The following NHS variants were observed in gnomAD, a reference collection of about 807,000 sequenced individuals.
NHS encodes actin remodeling regulator NHS.
In NHS, 5 loss-of-function variants were observed where a neutral mutation model predicts 72.5. The ratio of observed to expected loss-of-function variants is 0.07; its 90% CI spans 0.04 to 0.14. The LOEUF (loss-of-function observed/expected upper bound fraction) is 0.14, where lower values mean the gene tolerates loss of function less well. NHS is among the 10% of genes least tolerant of loss of function. The pLI is 1.00. For synonymous variants in NHS, 464 were observed against 547.7 expected, an observed-to-expected ratio of 0.85 and a Z score of 2.13; for missense variants, 1,072 against 1,355.7, an observed-to-expected ratio of 0.79 and a Z score of 3.29.
chrX:17,596,649 G>A (rs143848372), intron 1 of NHS, among the ~76,000 whole-genome samples: 1,405 of 111,804 alleles, frequency 0.013, 15 homozygotes, highest in Non-Finnish European at 0.022. Context: ...TGGGAGAGAG[G>A]AATGTGGTAT....
At chrX:17,642,028 C>T (rs1210862503) in intron 1 of NHS, among the ~76,000 whole-genome samples, 2 of 111,512 alleles carry the variant, frequency 1.8e-5, no homozygotes, top group African/African-American at 6.5e-5. Context: ...TCACTGCAAC[C>T]TCCGCCTCCT....
intron 1 of NHS, chrX:17,635,730 G>A (rs2065843203): frequency 4.3e-6 from 3 of 702,897 alleles, no homozygotes; most frequent in Non-Finnish European, 6.3e-6. Flanking sequence ...CAATGAAAGT[G>A]AGCCCTTTCA....
chrX:17,698,165 C>T (rs1340121381), intron 3 of NHS, among the ~76,000 whole-genome samples: 3 of 111,327 alleles, frequency 2.7e-5, no homozygotes, highest in African/African-American at 9.8e-5. Flanking sequence ...ACATTAAACA[C>T]ACACAAGATT....
intron 3 of NHS, among the ~76,000 whole-genome samples, chrX:17,705,012 G>A (rs1208108035): frequency 8.9e-6 from 1 of 112,172 alleles, no homozygotes; most frequent in Non-Finnish European, 1.9e-5. Flanking sequence ...GCTTGGCCTG[G>A]TTCCCCCTCT....
intron 1 of NHS, among the ~76,000 whole-genome samples, chrX:17,428,821 CAT>C (rs1336895386): frequency 1.8e-5 from 2 of 111,197 alleles, no homozygotes; most frequent in African/African-American, 6.6e-5. Context: ...CTTGAATGCA[CAT>C]GTCTCTCTCT....
chrX:17,555,231 T>A (rs936854083), intron 1 of NHS, among the ~76,000 whole-genome samples: 16 of 108,510 alleles, frequency 1.5e-4, no homozygotes, highest in Non-Finnish European at 1.7e-4. Flanking sequence ...GCGGGTTATT[T>A]TTTTTTTTTT....
chrX:17,607,142 A>G (rs1168884243), intron 1 of NHS, among the ~76,000 whole-genome samples: 9 of 110,835 alleles, frequency 8.1e-5, no homozygotes, highest in African/African-American at 3.0e-4. Context: ...CAGGGAGTTG[A>G]GGGTTGGGGC....
At chrX:17,410,516 C>CT (rs200959395) in intron 1 of NHS, among the ~76,000 whole-genome samples, 5,359 of 82,165 alleles carry the variant, frequency 0.065, 224 homozygotes, top group East Asian at 0.16. Context: ...CAACTCTCTG[C>CT]TTTTTTTTTT....
chrX:17,455,212 T>A (rs777490774), intron 1 of NHS, among the ~76,000 whole-genome samples: 2 of 111,677 alleles, frequency 1.8e-5, no homozygotes, highest in Admixed American at 1.9e-4. Flanking sequence ...AAATGTAGTT[T>A]CTCATACAAA....
chrX:17,524,705 G>T (rs1326172183), intron 1 of NHS, among the ~76,000 whole-genome samples: 2 of 112,496 alleles, frequency 1.8e-5, no homozygotes, highest in Non-Finnish European at 3.7e-5. Flanking sequence ...ATATCAGGAG[G>T]CACAGATGTC....
chrX:17,726,436 T>C lies in NHS; in HGVS notation c.2330T>C (p.Phe777Ser), dbSNP rs143081492. Residue 777 changes from phenylalanine (F) to serine (S), a missense_variant, in exon 7 of 9, where the codon TTT (phenylalanine) becomes TCT (serine). Transcript: ENST00000676302. ...PSDKADTSSH[F>S]SVDTEGYYTS... ...GACAAAGCGGACACTAGCTCTCACTTTTCAGTAGACACGGAAGGATACTAT... is the reference window on the plus strand; with the variant it reads ...GACAAAGCGGACACTAGCTCTCACTCTTCAGTAGACACGGAAGGATACTAT... 1.2e-3 allele frequency: 1,473 copies of C among 1,210,653 alleles called. 1 individual carries two copies. The highest frequency in any genetic ancestry group is 1.5e-3 in the Non-Finnish European group (1,365 of 895,312).
intron 1 of NHS, chrX:17,635,353 A>T: frequency 9.0e-7 from 1 of 1,112,855 alleles, no homozygotes; most frequent in Admixed American, 3.1e-5. Context: ...CTTGGGTGAG[A>T]CCATCTCCCC....
At position 17,725,619 on chromosome X, in the gene NHS, C is replaced by T. The variant is rs1169287999; in HGVS notation, c.1513C>T (p.Arg505Trp). The T allele has an allele frequency of 1.5e-5, 18 of 1,211,543 alleles. No homozygotes were observed. The highest frequency in any genetic ancestry group is 5.9e-5 in the East Asian group (2 of 33,841). The change falls in exon 7 of 9, where the codon CGG (arginine) becomes TGG (tryptophan). Residue 505 changes from arginine to tryptophan, a missense_variant. Arg to Trp is a moderately radical substitution (Grantham distance 101). Transcript: ENST00000676302. ...TGCAGTGAGCAGCCGCACAAGATCT[C>T]GGAGCCTTCCCCGGGAAGGTAATAG... ...TPAVSSRTRS[R>W]SLPREGNRGG... is the part of the protein sequence containing the mutation.
At position 17,375,806 on chromosome X, in the gene NHS, C is replaced by T. The variant is rs794726963; in HGVS notation, c.49C>T (p.Arg17Trp). 13 of 1,150,809 alleles carry T rather than the reference C, an allele frequency of 1.1e-5. No individual in the cohort carries two copies. The highest frequency in any genetic ancestry group is 1.4e-5 in the Non-Finnish European group (12 of 871,288). 94.8% of individuals were successfully genotyped at this position (1,150,809 alleles called of 1,213,427 possible). Residue 17 changes from arginine to tryptophan, a missense_variant, in exon 1 of 9, where the codon CGG becomes TGG. Coordinates refer to ENST00000676302, the MANE Select transcript of NHS (RefSeq NM_001291867.2). ...GGAGCCGCAATGGCTGTGCAGGCAGCGGCGCCCTGCGCCCGGCCCAGCAGT... is the reference window on the plus strand; with the variant it reads ...GGAGCCGCAATGGCTGTGCAGGCAGTGGCGCCCTGCGCCCGGCCCAGCAGT... ...IVEPQWLCRQRRPAPGPAVDA... is the reference protein window; with the variant it reads ...IVEPQWLCRQWRPAPGPAVDA...
intron 1 of NHS, among the ~76,000 whole-genome samples, chrX:17,501,970 C>T (rs1196968149): frequency 8.9e-6 from 1 of 112,021 alleles, no homozygotes; most frequent in Admixed American, 9.4e-5. Flanking sequence ...TTACTTCTGA[C>T]GTTTATGCTT....
In NHS at chrX:17,661,430, CCACCCCCTGA is replaced by C. The variant is rs777910483; in HGVS notation, c.566-26309_566-26300del. ...AATGCTATCCCTCTCCCCTTGCCCCCCACCCCCTGACAGGCCCCGGTGTGTGATGTTCCCC... is the reference window on the plus strand; with the variant it reads ...AATGCTATCCCTCTCCCCTTGCCCCCCAGGCCCCGGTGTGTGATGTTCCCC... On this transcript the variant is annotated intron_variant, in intron 1 of 8. Coordinates refer to ENST00000676302, the MANE Select transcript of NHS (RefSeq NM_001291867.2). 1.2e-4 allele frequency among the ~76,000 whole-genome samples: 13 copies of C among 109,890 alleles called. 1 individual carries two copies. Among genetic ancestry groups the C allele is most frequent in the African/African-American group, 4.0e-4 (12 of 30,150 alleles).
intron 1 of NHS, among the ~76,000 whole-genome samples, chrX:17,513,580 C>CT (rs970445355): frequency 1.8e-5 from 2 of 112,229 alleles, no homozygotes; most frequent in African/African-American, 3.2e-5. Flanking sequence ...CTGAATCAAA[C>CT]TATTTTGAGA....
chrX:17,411,731 A>G (rs2064559946), intron 1 of NHS, among the ~76,000 whole-genome samples: 1 of 112,229 alleles, frequency 8.9e-6, no homozygotes, highest in Admixed American at 9.5e-5. Flanking sequence ...AAATATATCC[A>G]GGTAGTGTAG....
chrX:17,505,765 C>T (rs763650409), intron 1 of NHS, among the ~76,000 whole-genome samples: 4 of 110,287 alleles, frequency 3.6e-5, no homozygotes, highest in Non-Finnish European at 7.6e-5. Context: ...TTTTCTAAAT[C>T]GCACTGTCTC....
Sources: gnomAD v4.1 joint callset for allele counts (sites outside exome capture counted in the v4.1 genomes callset) on GRCh38, gnomAD v4.1.1 for gene constraint, MANE v1.5 for transcripts, NCBI Gene and HGNC (gene_info 2026-07-23, HGNC 2026-07-21) for gene names.